Variants in SMG6 observed in about 807,000 individuals in gnomAD.
The protein encoded by SMG6 is SMG6 nonsense mediated mRNA decay factor.
In SMG6, 66 loss-of-function variants were observed where a neutral mutation model predicts 142.2. That is an observed-to-expected ratio of 0.46 (90% CI 0.38 to 0.57). The LOEUF is 0.57. SMG6 is among the 20% of genes least tolerant of loss of function. SMG6 has a pLI of 0.00. For missense variants in SMG6, 1,793 were observed against 1,832.0 expected, an observed-to-expected ratio of 0.98 and a Z score of 0.39; for synonymous variants, 779 against 702.4, an observed-to-expected ratio of 1.11 and a Z score of -1.72.
chr17:2,109,137 G>C (rs767642986), intron 13 of SMG6, among the ~76,000 whole-genome samples: 1 of 152,210 alleles, frequency 6.6e-6, no homozygotes, highest in South Asian at 2.1e-4. Flanking sequence ...TTTTTCTGCA[G>C]GTTGTCCTGG....
At chr17:2,294,692 C>A (rs1219135427) in intron 4 of SMG6, among the ~76,000 whole-genome samples, 2 of 152,120 alleles carry the variant, frequency 1.3e-5, no homozygotes, top group African/African-American at 4.8e-5. Flanking sequence ...TAGGTTAACC[C>A]TTTACAGTAT....
At chr17:2,284,916 C>T (rs1204006735) in intron 6 of SMG6, among the ~76,000 whole-genome samples, 1 of 152,156 alleles carries the variant, frequency 6.6e-6, no homozygotes, top group Non-Finnish European at 1.5e-5. Context: ...TTTCTATCTA[C>T]ACTACTCACC....
chr17:2,303,642 C>T lies in SMG6; in HGVS notation c.79G>A (p.Gly27Arg), dbSNP rs186563376. The T allele has an allele frequency of 1.2e-5, 18 of 1,486,232 alleles. No homozygotes were observed. The Admixed American group carries it at 3.8e-4, about 32-fold the overall frequency. The allele number at this position is 1,486,232 out of a possible 1,614,324, so 92.1% of individuals were successfully genotyped here. Residue 27 changes from glycine (G) to arginine (R), a missense_variant, in exon 1 of 19, where the codon GGG becomes AGG. Physicochemically the swap from Gly to Arg is moderately radical, Grantham distance 125. Around this residue, in one of 3 missense-constraint regions of SMG6, gnomAD observed 1,597 missense variants for 1,584.6 expected, o/e 1.01. Transcript: ENST00000263073. ...GGGCGGCGCGACTCACCTCTGCTCC[C>T]GGCCTGCGGGGCCAGAGTAGCCAGG... Reference protein sequence around the residue: ...GILATLAPQAGSRENMKELKE... With the variant: ...GILATLAPQARSRENMKELKE...
chr17:2,292,680 C>A lies in SMG6; in HGVS notation c.2259-50G>T, dbSNP rs1269642127. ...AATGCTAGTTCCAGATTAGCTTTTT[C>A]CCAATTCATCCTGATAGCCCTAATA... On this transcript the variant is annotated intron_variant, in intron 5 of 18. Coordinates refer to ENST00000263073, the MANE Select transcript of SMG6 (RefSeq NM_017575.5). The A allele has an allele frequency of 1.6e-5, 25 of 1,595,514 alleles. 1 individual carries two copies. In the Admixed American group the frequency reaches 4.0e-4, roughly 26 times the overall value.
chr17:2,075,141 T>A (rs934403489), intron 15 of SMG6, among the ~76,000 whole-genome samples: 1 of 152,198 alleles, frequency 6.6e-6, no homozygotes, highest in African/African-American at 2.4e-5. Flanking sequence ...GAGCCAGGCC[T>A]GAGTGTCTGC....
chr17:2,257,292 G>T (rs183897261), intron 8 of SMG6, among the ~76,000 whole-genome samples: 2 of 151,892 alleles, frequency 1.3e-5, no homozygotes, highest in South Asian at 2.1e-4. Flanking sequence ...CACCACGTTG[G>T]CCAGGATGGT....
chr17:2,087,383 G>C (rs1298501203), intron 13 of SMG6: 1 of 1,189,386 alleles, frequency 8.4e-7, no homozygotes, highest in African/African-American at 1.6e-5. Context: ...TGTGTGCTCT[G>C]TGGCTGCATC....
intron 13 of SMG6, among the ~76,000 whole-genome samples, chr17:2,091,576 C>G (rs1317222293): frequency 1.3e-5 from 2 of 150,198 alleles, no homozygotes; most frequent in Non-Finnish European, 3.0e-5. Context: ...TCCAAGGGAT[C>G]AATTCAAACA....
At position 2,150,886 on chromosome 17, in the gene SMG6, T is replaced by TA. The variant is rs75789427; in HGVS notation, c.3357+21771dup. ...CAGATCTCACTTGAGTGTGAAGGAT[T>TA]AAAAAAAAAAAAAATCCGTAACCCA... On this transcript the variant is annotated intron_variant, in intron 13 of 18. Coordinates refer to ENST00000263073, the MANE Select transcript of SMG6 (RefSeq NM_017575.5). 2.7e-3 allele frequency among the ~76,000 whole-genome samples: 397 copies of TA among 145,016 alleles called. 2 individuals carry two copies. Among genetic ancestry groups the TA allele is most frequent in the Middle Eastern group, 7.1e-3 (2 of 282 alleles).
At position 2,085,088 on chromosome 17, in the gene SMG6, A is replaced by G. The variant is rs532933409; in HGVS notation, c.3534+637T>C. Among the ~76,000 whole-genome samples, 2 of 152,316 alleles carry G rather than the reference A, an allele frequency of 1.3e-5. No homozygotes were observed. Among genetic ancestry groups the G allele is most frequent in the South Asian group, 4.1e-4 (2 of 4,828 alleles). On this transcript the variant is annotated intron_variant, in intron 14 of 18. Transcript: ENST00000263073. This position sits in a 1 kb window ranked among gnomAD's most constrained non-coding sequence, Gnocchi z 4.1. ...AGGGCAACTGCCAGTGGACTATTGC[A>G]GGGGCGGGTACACAGGCTCATGCAT...
chr17:2,170,863 G>T (rs929956582), intron 13 of SMG6, among the ~76,000 whole-genome samples: 1 of 151,948 alleles, frequency 6.6e-6, no homozygotes, highest in Non-Finnish European at 1.5e-5. Flanking sequence ...ACATTCTCTT[G>T]GTTCAATAAA....
At chr17:2,290,787 T>C (rs977558471) in intron 6 of SMG6, among the ~76,000 whole-genome samples, 3 of 152,102 alleles carry the variant, frequency 2.0e-5, no homozygotes, top group African/African-American at 4.8e-5. Flanking sequence ...GGCAAAAAAG[T>C]AGTGGGGGGG....
intron 13 of SMG6, among the ~76,000 whole-genome samples, chr17:2,132,004 G>A (rs540418168): frequency 1.3e-5 from 2 of 152,150 alleles, no homozygotes; most frequent in African/African-American, 2.4e-5. Flanking sequence ...CACAGGAGGC[G>A]GAGGTTGTAG....
intron 13 of SMG6, among the ~76,000 whole-genome samples, chr17:2,137,942 A>G (rs1358108852): frequency 9.2e-5 from 14 of 152,138 alleles, no homozygotes; most frequent in Admixed American, 8.5e-4. Flanking sequence ...CACAGCCCTC[A>G]TAAGACATGA....
At chr17:2,227,843 G>A (rs887914319) in intron 10 of SMG6, among the ~76,000 whole-genome samples, 2 of 152,234 alleles carry the variant, frequency 1.3e-5, no homozygotes, top group African/African-American at 4.8e-5. Context: ...TAGTCCCAAA[G>A]AGAAAACAAC....
intron 10 of SMG6, among the ~76,000 whole-genome samples, chr17:2,228,210 T>C (rs2073371332): frequency 6.6e-6 from 1 of 151,878 alleles, no homozygotes; most frequent in African/African-American, 2.4e-5. Context: ...ATTACAGGCA[T>C]ATGCCACTGC....
chr17:2,183,740 C>A (rs541888207), intron 12 of SMG6, among the ~76,000 whole-genome samples: 1 of 141,772 alleles, frequency 7.1e-6, no homozygotes. Flanking sequence ...GATACAGGTG[C>A]GTGCGACACA....
chr17:2,279,836 A>C (rs1204820438), intron 8 of SMG6, among the ~76,000 whole-genome samples: 3 of 151,996 alleles, frequency 2.0e-5, no homozygotes, highest in Non-Finnish European at 4.4e-5. Context: ...CCTCATCCAC[A>C]TTTTCATGCC....
rs149916383 is a variant in SMG6 at position 2,170,037 on chromosome 17, A to C, written c.3357+2621T>G. ...GAATAACCCCAAGCATTTTGACACA[A>C]GCAGCCCAAAAATCAAGGCTGCCAT... On this transcript the variant is annotated intron_variant, in intron 13 of 18. Transcript: ENST00000263073. 5.4e-4 allele frequency among the ~76,000 whole-genome samples: 82 copies of C among 152,344 alleles called. 3 individuals are homozygous for C. The East Asian group carries it at 0.015, about 28-fold the overall frequency.
Sources: gnomAD v4.1 joint callset for allele counts (sites outside exome capture counted in the v4.1 genomes callset) on GRCh38, gnomAD v4.1.1 for gene constraint, gnomAD v4.1.1 regional missense constraint, Gnocchi (gnomAD v3.1) non-coding constraint, MANE v1.5 for transcripts, NCBI Gene and HGNC (gene_info 2026-07-23, HGNC 2026-07-21) for gene names.